Variants in TMEM132D observed in about 807,000 individuals in gnomAD.
TMEM132D encodes the protein mature OL transmembrane protein.
In TMEM132D, 21 loss-of-function variants were observed where a neutral mutation model predicts 62.3. The ratio of observed to expected loss-of-function variants is 0.34; its 90% CI spans 0.24 to 0.49. The LOEUF is 0.49. Among genes scored for constraint, TMEM132D ranks in the 20% least tolerant of loss-of-function variants. The pLI, the probability that TMEM132D is intolerant of heterozygous loss-of-function variation, is 0.99. For synonymous variants in TMEM132D, 621 were observed against 575.6 expected, an observed-to-expected ratio of 1.08 and a Z score of -1.13; for missense variants, 1,346 against 1,402.8, an observed-to-expected ratio of 0.96 and a Z score of 0.65.
chr12:129,189,040 G>T (rs1041772618), intron 5 of TMEM132D, among the ~76,000 whole-genome samples: 14 of 151,568 alleles, frequency 9.2e-5, no homozygotes, highest in African/African-American at 3.4e-4. Flanking sequence ...GGTCAACAAG[G>T]TCAACAAAAA....
chr12:129,874,795 G>A (rs938892390), intron 1 of TMEM132D, among the ~76,000 whole-genome samples: 8 of 143,502 alleles, frequency 5.6e-5, no homozygotes, highest in Middle Eastern at 4.0e-3. Flanking sequence ...TCCACCTCCC[G>A]GTTCAAGTGA....
chr12:129,466,279 C>CTGTTTTTT (rs1566078686), intron 3 of TMEM132D, among the ~76,000 whole-genome samples: 1 of 100,398 alleles, frequency 1.0e-5, no homozygotes. Context: ...TAGATTTTTC[C>CTGTTTTTT]TTTTTTTTTT....
intron 2 of TMEM132D, among the ~76,000 whole-genome samples, chr12:129,598,768 AT>A (rs1340078972): frequency 6.6e-6 from 1 of 152,136 alleles, no homozygotes; most frequent in African/African-American, 2.4e-5. Context: ...GATTGCAGAA[AT>A]TTTTCTGCTT....
chr12:129,290,650 T>C (rs78563969), intron 4 of TMEM132D, among the ~76,000 whole-genome samples: 20,911 of 152,228 alleles, frequency 0.14, 1,590 homozygotes, highest in South Asian at 0.22. Flanking sequence ...TTGAAACTGT[T>C]CATTTCTAAT....
chr12:129,766,786 C>T (rs1465808252), intron 1 of TMEM132D, among the ~76,000 whole-genome samples: 1 of 152,090 alleles, frequency 6.6e-6, no homozygotes, highest in East Asian at 1.9e-4. Flanking sequence ...CTCTGTGTTG[C>T]CTTTGTGAGG....
In TMEM132D at chr12:129,108,349, A is replaced by C. The variant is rs567181246; in HGVS notation, c.1444-23647T>G. Among the ~76,000 whole-genome samples, 11 of 152,264 alleles carry C rather than the reference A, an allele frequency of 7.2e-5. 1 individual carries two copies. The South Asian group carries it at 2.3e-3, about 32-fold the overall frequency. On this transcript the variant is annotated intron_variant, in intron 5 of 8. Transcript: ENST00000422113. ...GTTTTATTTTCCTCCTGATTTTGGC[A>C]GGTGGGGCCGAGAGAGGCTGCCTGC...
intron 4 of TMEM132D, among the ~76,000 whole-genome samples, chr12:129,255,536 T>C (rs1229630740): frequency 6.6e-6 from 1 of 152,240 alleles, no homozygotes; most frequent in South Asian, 2.1e-4. Context: ...GAATTTCAGA[T>C]GAATAATAAA....
At chr12:129,521,870 G>C (rs967014145) in intron 3 of TMEM132D, 1 of 151,824 alleles carries the variant, frequency 6.6e-6, no homozygotes, top group Non-Finnish European at 1.5e-5. Context: ...GGCTTGCCTA[G>C]AATTGGGATA....
intron 1 of TMEM132D, among the ~76,000 whole-genome samples, chr12:129,776,738 A>G (rs1049980353): frequency 6.9e-6 from 1 of 145,620 alleles, no homozygotes; most frequent in Admixed American, 6.8e-5. Context: ...GGAAAGAAAT[A>G]GTGGCAACGA....
intron 3 of TMEM132D, among the ~76,000 whole-genome samples, chr12:129,500,383 G>C (rs899882341): frequency 2.6e-5 from 4 of 152,136 alleles, no homozygotes; most frequent in African/African-American, 9.7e-5. Context: ...GACCTCATCT[G>C]TACCCCTTGT....
At chr12:129,450,406 C>T (rs554803187) in intron 3 of TMEM132D, among the ~76,000 whole-genome samples, 14 of 152,084 alleles carry the variant, frequency 9.2e-5, no homozygotes, top group East Asian at 3.9e-4. Context: ...ACCCCCATGT[C>T]GTAAGTTTAT....
At chr12:129,092,264 A>G (rs1157105594) in intron 5 of TMEM132D, among the ~76,000 whole-genome samples, 1 of 145,216 alleles carries the variant, frequency 6.9e-6, no homozygotes, top group Non-Finnish European at 1.5e-5. Context: ...TATCACCAAC[A>G]TTCTTGGTTA....
intron 3 of TMEM132D, among the ~76,000 whole-genome samples, chr12:129,412,619 G>T (rs1294934274): frequency 1.3e-5 from 2 of 152,164 alleles, no homozygotes; most frequent in African/African-American, 4.8e-5. Flanking sequence ...CACTTCAGGA[G>T]GCCAAGGTGG....
rs745372878 is a variant in TMEM132D at position 129,078,563 on chromosome 12, C to T, written c.2086G>A (p.Ala696Thr). ...TTTGGCCTCTGCAGAAGTTCCTGAGCCACTGCAGTGGCAAAGATGGCCCTG... is the reference window on the plus strand; with the variant it reads ...TTTGGCCTCTGCAGAAGTTCCTGAGTCACTGCAGTGGCAAAGATGGCCCTG... ...SNRAIFATAV[A>T]QELLQRPKQE... The change falls in exon 8 of 9, where the codon GCT becomes ACT. Residue 696 changes from alanine (A) to threonine (T), a missense_variant. Ala to Thr is a moderately conservative substitution (Grantham distance 58, BLOSUM62 0). Coordinates refer to ENST00000422113, the MANE Select transcript of TMEM132D (RefSeq NM_133448.3). 6.2e-7 allele frequency: 1 copy of T among 1,614,068 alleles called. No individual in the cohort carries two copies. Among genetic ancestry groups the T allele is most frequent in the Non-Finnish European group, 8.5e-7 (1 of 1,180,032 alleles).
At chr12:129,528,870 T>C (rs2137087535) in intron 3 of TMEM132D, among the ~76,000 whole-genome samples, 1 of 152,354 alleles carries the variant, frequency 6.6e-6, no homozygotes, top group African/African-American at 2.4e-5. Flanking sequence ...GCTTCCTCAT[T>C]AAGCAAAGCC....
intron 1 of TMEM132D, among the ~76,000 whole-genome samples, chr12:129,814,332 A>G (rs61565360): frequency 0.028 from 4,200 of 152,292 alleles, 185 homozygotes; most frequent in African/African-American, 0.094. Context: ...AACTAACGCC[A>G]GGTGCGGTGG....
At chr12:129,199,010 A>G (rs1366173760) in intron 5 of TMEM132D, among the ~76,000 whole-genome samples, 1 of 152,020 alleles carries the variant, frequency 6.6e-6, no homozygotes, top group African/African-American at 2.4e-5. Flanking sequence ...TGAGGATTAA[A>G]GAAGCAAACG....
intron 1 of TMEM132D, among the ~76,000 whole-genome samples, chr12:129,878,551 G>T (rs530923626): frequency 1.3e-5 from 2 of 151,256 alleles, no homozygotes; most frequent in East Asian, 2.0e-4. Context: ...TAGGCCTGGG[G>T]TGTCACCCCA....
intron 2 of TMEM132D, among the ~76,000 whole-genome samples, chr12:129,685,110 TA>T (rs1446711165): frequency 1.3e-5 from 2 of 152,074 alleles, no homozygotes; most frequent in Non-Finnish European, 2.9e-5. Context: ...CAATAGAAAA[TA>T]AAAACCCATT....
Sources: gnomAD v4.1 joint callset for allele counts (sites outside exome capture counted in the v4.1 genomes callset) on GRCh38, gnomAD v4.1.1 for gene constraint, MANE v1.5 for transcripts, NCBI Gene and HGNC (gene_info 2026-07-23, HGNC 2026-07-21) for gene names.